Variants in DPH6 observed in about 807,000 individuals in gnomAD.
DPH6 encodes the protein diphthine--ammonia ligase.
DPH6 carries 33 observed loss-of-function variants against 38.2 expected under a neutral mutation model. The ratio of observed to expected loss-of-function variants is 0.86; its 90% CI spans 0.65 to 1.15. The LOEUF is 1.15. DPH6 is among the 50% of genes most tolerant of loss of function. The pLI is 0.00. For synonymous variants in DPH6, 108 were observed against 103.0 expected (o/e 1.05, Z -0.30); for missense variants, 325 against 320.0 (o/e 1.02, Z -0.12).
chr15:35,546,069 G>A (rs1341280757), intron 1 of DPH6, 50 bp downstream of exon 1: 2 of 1,334,682 alleles, frequency 1.5e-6, no homozygotes, highest in Non-Finnish European at 1.9e-6. Flanking sequence ...CGGCTGGAAG[G>A]GACGAGAGCC....
At chr15:35,487,256 C>A (rs913663024) in intron 3 of DPH6, among the ~76,000 whole-genome samples, 1 of 152,242 alleles carries the variant, frequency 6.6e-6, no homozygotes, top group Non-Finnish European at 1.5e-5. Context: ...CTAGGCAGTG[C>A]CCCAGTGGGA....
intron 6 of DPH6, among the ~76,000 whole-genome samples, chr15:35,386,412 G>T (rs1285556445): frequency 1.3e-5 from 2 of 152,220 alleles, no homozygotes; most frequent in African/African-American, 4.8e-5. Context: ...AGATCCCTGA[G>T]GAGTCGCCAC....
chr15:35,507,466 C>T (rs1038347330), intron 3 of DPH6, among the ~76,000 whole-genome samples: 1 of 151,992 alleles, frequency 6.6e-6, no homozygotes, highest in Middle Eastern at 3.6e-3. Context: ...GTTGAAACCT[C>T]GTATATTTAT....
intron 3 of DPH6, among the ~76,000 whole-genome samples, chr15:35,310,726 G>C (rs61338807): frequency 0.03 from 4,507 of 151,896 alleles, 200 homozygotes; most frequent in African/African-American, 0.097. Context: ...ATTACTAATA[G>C]TACCTTCTTT....
chr15:35,239,276 A>G (rs1295825230), intron 3 of DPH6, among the ~76,000 whole-genome samples: 1 of 142,828 alleles, frequency 7.0e-6, no homozygotes, highest in Non-Finnish European at 1.5e-5. Flanking sequence ...TCTCCTTTCA[A>G]TCTTGGCGCT....
chr15:35,481,336 C>G (rs1184267141), intron 3 of DPH6, among the ~76,000 whole-genome samples: 1 of 151,802 alleles, frequency 6.6e-6, no homozygotes. Context: ...GGACAAGTAA[C>G]CTGTTTTATT....
chr15:35,397,834 T>C (rs561142536), intron 6 of DPH6, among the ~76,000 whole-genome samples: 1 of 142,842 alleles, frequency 7.0e-6, no homozygotes, highest in South Asian at 2.2e-4. Context: ...GACACAGGTA[T>C]ATAATAAAAA....
chr15:35,150,549 A>C, the DPH6 span, among the ~76,000 whole-genome samples: 1 of 152,244 alleles, frequency 6.6e-6, no homozygotes, highest in Non-Finnish European at 1.5e-5. Context: ...GTTTTAAACA[A>C]ATATACGTCT....
chr15:35,420,498 C>T lies in DPH6; in HGVS notation c.506-9602G>A, dbSNP rs192570278. Among the ~76,000 whole-genome samples the T allele has an allele frequency of 3.2e-3, 490 of 152,022 alleles. 2 individuals carry two copies. Among genetic ancestry groups the T allele is most frequent in the African/African-American group, 0.011 (471 of 41,494 alleles). On this transcript the variant is annotated intron_variant, in intron 5 of 8. Transcript: ENST00000256538. ...CAAAACAATGCAAAAATCAATAAAA[C>T]AGAGTTTTATTTTATTTTATTTTAA... is the stretch of plus-strand genomic sequence containing the variant.
intron 4 of DPH6, among the ~76,000 whole-genome samples, chr15:35,451,688 T>G (rs1032258744): frequency 2.6e-5 from 4 of 152,146 alleles, no homozygotes; most frequent in African/African-American, 9.7e-5. Context: ...AAATCCATTT[T>G]CAACACAGCA....
intron 3 of DPH6, among the ~76,000 whole-genome samples, chr15:35,464,265 G>A (rs1190012208): frequency 6.7e-6 from 1 of 150,014 alleles, no homozygotes; most frequent in Admixed American, 6.6e-5. Context: ...CAGTACTCCA[G>A]CCTGGCAATA....
chr15:35,318,946 A>G (rs1217765337), intron 3 of DPH6, among the ~76,000 whole-genome samples: 3 of 152,168 alleles, frequency 2.0e-5, no homozygotes, highest in Non-Finnish European at 4.4e-5. Flanking sequence ...TTATTTATAA[A>G]CTTTGTTATT....
At chr15:35,281,629 G>C (rs950738195) in intron 3 of DPH6, among the ~76,000 whole-genome samples, 18 of 152,220 alleles carry the variant, frequency 1.2e-4, no homozygotes, top group African/African-American at 4.3e-4. Flanking sequence ...CTACTCTTCA[G>C]CTATCATCTC....
intron 3 of DPH6, among the ~76,000 whole-genome samples, chr15:35,471,563 T>C (rs2054198903): frequency 6.6e-6 from 1 of 152,188 alleles, no homozygotes; most frequent in South Asian, 2.1e-4. Context: ...TATTAAATCC[T>C]TTTCATTACC....
intron 3 of DPH6, among the ~76,000 whole-genome samples, chr15:35,537,910 T>C (rs1053895186): frequency 6.6e-6 from 1 of 152,152 alleles, no homozygotes; most frequent in African/African-American, 2.4e-5. Flanking sequence ...TCCACCATTC[T>C]ATCCCCAGTG....
Position 35,497,070 on chromosome 15 carries a change from T to C in DPH6, c.312+41204A>G, listed in dbSNP as rs151259126. ...CCTGTACTTTTCCTTTAGAGCATATTTCATAGCTGCAATTTTATGTTTTAG... is the reference window on the plus strand; with the variant it reads ...CCTGTACTTTTCCTTTAGAGCATATCTCATAGCTGCAATTTTATGTTTTAG... On this transcript the variant is annotated intron_variant, in intron 3 of 8. Coordinates refer to ENST00000256538, the MANE Select transcript of DPH6 (RefSeq NM_080650.4). Among the ~76,000 whole-genome samples, 753 of 152,264 alleles carry C rather than the reference T, an allele frequency of 4.9e-3. 3 individuals are homozygous for C. The highest frequency in any genetic ancestry group is 0.022 in the South Asian group (104 of 4,820).
chr15:35,432,252 G>A (rs2053642018), intron 5 of DPH6, among the ~76,000 whole-genome samples: 1 of 152,146 alleles, frequency 6.6e-6, no homozygotes. Context: ...GTAAAAATGT[G>A]AACTATTTCA....
the DPH6 span, among the ~76,000 whole-genome samples, chr15:35,165,140 C>T: frequency 6.6e-6 from 1 of 152,016 alleles, no homozygotes; most frequent in East Asian, 1.9e-4. Flanking sequence ...CACCCAAATA[C>T]AGTAGCCACC....
downstream of DPH6, among the ~76,000 whole-genome samples, chr15:35,215,927 A>G (rs1211327658): frequency 6.6e-6 from 1 of 152,236 alleles, no homozygotes; most frequent in Non-Finnish European, 1.5e-5. Context: ...AGTCTTAACT[A>G]CTAAGTCATA....
Sources: gnomAD v4.1 joint callset for allele counts (sites outside exome capture counted in the v4.1 genomes callset) on GRCh38, gnomAD v4.1.1 for gene constraint, MANE v1.5 for transcripts, NCBI Gene and HGNC (gene_info 2026-07-23, HGNC 2026-07-21) for gene names.